The following PTPRN2 variants were observed in gnomAD, a reference collection of about 807,000 sequenced individuals.
PTPRN2 encodes protein tyrosine phosphatase receptor type N2.
A neutral mutation model predicts 118.8 loss-of-function variants in PTPRN2; 74 were observed. The ratio of observed to expected loss-of-function variants is 0.62; its 90% CI spans 0.52 to 0.76. PTPRN2 has a LOEUF of 0.76. Among genes scored for constraint, PTPRN2 ranks in the 30% least tolerant of loss-of-function variants. The pLI is 0.00. For missense variants in PTPRN2, 1,481 were observed against 1,394.4 expected (o/e 1.06, Z -0.99); for synonymous variants, 641 against 608.0 (o/e 1.05, Z -0.80).
intron 1 of PTPRN2, among the ~76,000 whole-genome samples, chr7:158,507,268 G>A (rs900888290): frequency 2.2e-4 from 32 of 146,758 alleles, no homozygotes; most frequent in Non-Finnish European, 3.2e-4. Context: ...AGGGGATAGC[G>A]CTGCAGTGTG....
rs925446058 is a variant in PTPRN2 at position 157,990,386 on chromosome 7, C to G, written c.1723+90912G>C. ...CACGGGCCAGGAATGCATCACGGCA[C>G]CTGCGCACAGGGGTGGCCTCCAGGG... On this transcript the variant is annotated intron_variant, in intron 11 of 22. Transcript: ENST00000389418. This position sits in a 1 kb window ranked among gnomAD's most constrained non-coding sequence, Gnocchi z 4.3. Among the ~76,000 whole-genome samples the G allele has an allele frequency of 3.9e-5, 6 of 152,144 alleles. No homozygotes were observed. Among genetic ancestry groups the G allele is most frequent in the African/African-American group, 1.4e-4 (6 of 41,432 alleles).
intron 3 of PTPRN2, among the ~76,000 whole-genome samples, chr7:158,231,225 C>A (rs751714444): frequency 3.9e-5 from 6 of 152,124 alleles, no homozygotes; most frequent in Non-Finnish European, 7.3e-5. Context: ...CATGATCACA[C>A]CACTGCACTC....
chr7:157,982,762 A>T (rs374438043), intron 11 of PTPRN2, among the ~76,000 whole-genome samples: 1 of 45,584 alleles, frequency 2.2e-5, no homozygotes, highest in African/African-American at 7.9e-5. Context: ...TGCAGAGTGC[A>T]GGGTCCCCCC....
intron 1 of PTPRN2, among the ~76,000 whole-genome samples, chr7:158,557,369 C>T (rs1001336038): frequency 1.3e-5 from 2 of 148,494 alleles, no homozygotes; most frequent in Admixed American, 6.7e-5. Context: ...GCAGGTCAGG[C>T]GGCTCCCACG....
At chr7:158,267,395 G>A (rs112545876) in intron 3 of PTPRN2, among the ~76,000 whole-genome samples, 5 of 152,172 alleles carry the variant, frequency 3.3e-5, no homozygotes, top group Non-Finnish European at 5.9e-5. Flanking sequence ...ATCTGGAGCC[G>A]CCTGGAAGCC....
At chr7:158,224,828 T>G (rs1828631711) in intron 3 of PTPRN2, among the ~76,000 whole-genome samples, 1 of 152,156 alleles carries the variant, frequency 6.6e-6, no homozygotes, top group South Asian at 2.1e-4. Flanking sequence ...ACCACGTATC[T>G]GACAAAGGAC....
chr7:157,821,563 A>G (rs1048715689), intron 12 of PTPRN2, among the ~76,000 whole-genome samples: 5 of 152,194 alleles, frequency 3.3e-5, no homozygotes, highest in African/African-American at 1.2e-4. Flanking sequence ...GGGGCTTATT[A>G]GCTCTCAAAA....
intron 5 of PTPRN2, among the ~76,000 whole-genome samples, chr7:158,187,372 T>C (rs1012708583): frequency 6.6e-6 from 1 of 152,226 alleles, no homozygotes. Flanking sequence ...AAGTTGATTG[T>C]ACCTTCAAAG....
At chr7:157,849,880 C>T (rs1051992245) in intron 12 of PTPRN2, among the ~76,000 whole-genome samples, 4 of 152,306 alleles carry the variant, frequency 2.6e-5, no homozygotes, top group African/African-American at 4.8e-5. Flanking sequence ...GAGGGGAAGA[C>T]GGCACAGACC....
chr7:158,052,747 G>A (rs1174582399), intron 11 of PTPRN2, among the ~76,000 whole-genome samples: 1 of 152,102 alleles, frequency 6.6e-6, no homozygotes, highest in African/African-American at 2.4e-5. Context: ...GGGTAGAGGG[G>A]TGCAGCCACT....
At chr7:157,878,003 G>A (rs769703365) in intron 12 of PTPRN2, among the ~76,000 whole-genome samples, 5 of 152,358 alleles carry the variant, frequency 3.3e-5, no homozygotes, top group Admixed American at 2.0e-4. Flanking sequence ...AGTAGGAAGC[G>A]TTCTTGATGC....
intron 9 of PTPRN2, among the ~76,000 whole-genome samples, chr7:158,117,386 T>C (rs1816814995): frequency 6.6e-6 from 1 of 151,772 alleles, no homozygotes; most frequent in Non-Finnish European, 1.5e-5. Context: ...GAAAAAAAGA[T>C]TGAAGAAAAG....
intron 2 of PTPRN2, among the ~76,000 whole-genome samples, chr7:158,352,612 T>C (rs1407291851): frequency 6.6e-6 from 1 of 152,124 alleles, no homozygotes; most frequent in South Asian, 2.1e-4. Context: ...CAGCTAGGAA[T>C]AGAAGGCTCT....
At chr7:157,657,321 T>C (rs1202688453) in intron 13 of PTPRN2, among the ~76,000 whole-genome samples, 13 of 50,324 alleles carry the variant, frequency 2.6e-4, no homozygotes, top group Non-Finnish European at 3.3e-4. Context: ...ACCACACACA[T>C]CACACATATA....
intron 6 of PTPRN2, among the ~76,000 whole-genome samples, chr7:158,166,006 G>A (rs1013887622): frequency 1.3e-5 from 2 of 152,122 alleles, no homozygotes; most frequent in African/African-American, 2.4e-5. Context: ...ACGGTCACAT[G>A]CTGGGCCACA....
intron 2 of PTPRN2, among the ~76,000 whole-genome samples, chr7:158,359,272 C>T (rs761828802): frequency 3.3e-5 from 5 of 152,242 alleles, no homozygotes; most frequent in Admixed American, 6.5e-5. Flanking sequence ...AATGTCTTGG[C>T]TTCTGATTTG....
At chr7:157,694,061 T>C (rs1161099903) in intron 12 of PTPRN2, among the ~76,000 whole-genome samples, 1 of 152,286 alleles carries the variant, frequency 6.6e-6, no homozygotes, top group Non-Finnish European at 1.5e-5. Flanking sequence ...TGGTTTTGCT[T>C]TCTTCACAGA....
At chr7:157,655,866 T>C (rs1314739356) in intron 14 of PTPRN2, among the ~76,000 whole-genome samples, 5 of 152,150 alleles carry the variant, frequency 3.3e-5, no homozygotes, top group South Asian at 4.1e-4. Flanking sequence ...CGTGAGCCTC[T>C]GGCCGGCGCC....
At chr7:158,029,228 G>C (rs1380524590) in intron 11 of PTPRN2, 1 of 151,186 alleles carries the variant, frequency 6.6e-6, no homozygotes, top group Non-Finnish European at 1.5e-5. Flanking sequence ...CGGGGGCACG[G>C]GGTCCGTATC....
Sources: allele counts gnomAD v4.1 joint callset (sites outside exome capture counted in the v4.1 genomes callset), GRCh38; gene constraint gnomAD v4.1.1; non-coding constraint Gnocchi (gnomAD v3.1); transcripts MANE v1.5; gene names NCBI Gene and HGNC (gene_info 2026-07-23, HGNC 2026-07-21).